Variants in TUBGCP6 observed in about 807,000 individuals in gnomAD.
The protein encoded by TUBGCP6 is tubulin gamma complex component 6, also known as gamma-tubulin complex component 6.
In TUBGCP6, 161 loss-of-function variants were observed where a neutral mutation model predicts 175.8. That is an observed-to-expected ratio of 0.92 (90% CI 0.81 to 1.04). TUBGCP6 has a LOEUF of 1.04. TUBGCP6 is among the 50% of genes least tolerant of loss of function. The probability of loss-of-function intolerance (pLI) is 0.00; values close to 1 mark genes in which losing one functional copy is unlikely to be tolerated. For synonymous variants in TUBGCP6, 1,173 were observed against 1,030.5 expected, an observed-to-expected ratio of 1.14 and a Z score of -2.65; for missense variants, 2,572 against 2,433.0, an observed-to-expected ratio of 1.06 and a Z score of -1.20.
intron 1 of TUBGCP6, among the ~76,000 whole-genome samples, chr22:50,240,828 A>C (rs2064829894): frequency 6.6e-6 from 1 of 152,166 alleles, no homozygotes; most frequent in Non-Finnish European, 1.5e-5. Context: ...GTCTCTACTA[A>C]AAATATAAAA....
intron 3 of TUBGCP6, among the ~76,000 whole-genome samples, chr22:50,231,571 T>A (rs2064692647): frequency 6.6e-6 from 1 of 151,972 alleles, no homozygotes; most frequent in South Asian, 2.1e-4. Flanking sequence ...AGAAAAAAGA[T>A]GACTAGGGCC....
In TUBGCP6 at chr22:50,244,427, C is replaced by T; in HGVS notation, c.33G>A (p.Leu11=). 1 of 1,612,820 alleles carries T rather than the reference C, an allele frequency of 6.2e-7. No individual in the cohort carries two copies. Among genetic ancestry groups the T allele is most frequent in the Non-Finnish European group, 8.5e-7 (1 of 1,179,876 alleles). The change falls in exon 1 of 25, where the codon CTG becomes CTA. Residue 11 remains leucine, a synonymous_variant. Transcript: ENST00000248846. ...TGGCAGCCGGCAGGAGGGCCTCACA[C>T]AGGTCGTCGAACAGCTGCGTGATGC... The part of the protein sequence containing the change: MASITQLFDD[L]CEALLPAAKT...
At chr22:50,218,985 AG>A in intron 20 of TUBGCP6, 82 bp downstream of exon 20, 2 of 1,592,992 alleles carry the variant, frequency 1.3e-6, no homozygotes, top group Non-Finnish European at 1.7e-6. Flanking sequence ...CCAGAGCAGC[AG>A]GGGGCTGTGG....
At chr22:50,219,576 G>A in intron 18 of TUBGCP6, 68 bp downstream of exon 18, 1 of 1,596,114 alleles carries the variant, frequency 6.3e-7, no homozygotes, top group Admixed American at 1.7e-5. Context: ...CCAACCCACA[G>A]GAGGTGGAGC....
Position 50,244,004 on chromosome 22 carries a change from G to A in TUBGCP6, c.456C>T (p.Asp152=), listed in dbSNP as rs748742139. The change falls in exon 1 of 25, where the codon GAC becomes GAT. Residue 152 remains aspartate (D), a synonymous_variant. Transcript: ENST00000248846. ...GAACGTCCATCTCAAACACACTCAG[G>A]TCGTCGCAATCATAGCCGCTGTACG... ...NVPYSGYDCD[D]LSVFEMDVQS... 6.2e-7 allele frequency: 1 copy of A among 1,614,150 alleles called. No homozygotes were observed. Among genetic ancestry groups the A allele is most frequent in the Non-Finnish European group, 8.5e-7 (1 of 1,180,040 alleles).
In TUBGCP6 at chr22:50,221,175, T is replaced by C. The variant is rs1476415461; in HGVS notation, c.3184A>G (p.Arg1062Gly). ...ACATCTGACACATTCTCCCCGACCC[T>C]GATGCTGGCGTCAGACACGTGCCCG... ...THGHVSDASIRVGENVSDVAP... is the reference protein window; with the variant it reads ...THGHVSDASIGVGENVSDVAP... The change falls in exon 16 of 25, where the codon AGG (arginine) becomes GGG (glycine). Residue 1062 changes from arginine (R) to glycine (G), a missense_variant. Physicochemically the swap from Arg to Gly is moderately radical, Grantham distance 125. Coordinates refer to ENST00000248846, the MANE Select transcript of TUBGCP6 (RefSeq NM_020461.4). The C allele has an allele frequency of 6.2e-7, 1 of 1,608,076 alleles. No individual in the cohort carries two copies. Among genetic ancestry groups the C allele is most frequent in the East Asian group, 2.2e-5 (1 of 44,812 alleles).
In TUBGCP6 at chr22:50,219,766, G is replaced by A. The variant is rs1359684920; in HGVS notation, c.4193C>T (p.Pro1398Leu). The change falls in exon 18 of 25, where the codon CCA becomes CTA. Residue 1398 changes from proline to leucine, a missense_variant. By Grantham distance (98) the Pro-to-Leu change is moderately conservative. Coordinates refer to ENST00000248846, the MANE Select transcript of TUBGCP6 (RefSeq NM_020461.4). Reference sequence around the variant, plus strand: ...TGCCTCCGCCTCCTCACCACGGCCTGGGCTGCTCTGGGCAGCTGTGTCTTC... The same window carrying A: ...TGCCTCCGCCTCCTCACCACGGCCTAGGCTGCTCTGGGCAGCTGTGTCTTC... ...SQEDTAAQSS[P>L]GRGEEAEASA... 1.2e-6 allele frequency: 2 copies of A among 1,613,546 alleles called. No homozygotes were observed. Among genetic ancestry groups the A allele is most frequent in the African/African-American group, 1.3e-5 (1 of 74,950 alleles).
Position 50,219,438 on chromosome 22 carries a change from T to C in TUBGCP6, c.4334A>G (p.His1445Arg). 1 of 1,574,142 alleles carries C rather than the reference T, an allele frequency of 6.4e-7. No individual in the cohort carries two copies. The highest frequency in any genetic ancestry group is 8.6e-7 in the Non-Finnish European group (1 of 1,160,976). ...YESMSEPPIA[H>R]LLRPVLPRAF... is the part of the protein sequence containing the mutation. Reference sequence around the variant, plus strand: ...CCGGGGAAGCACGGGGCGCAAAAGATGAGCAATGGGCGGCTCGGCTGCGGG... The same window carrying C: ...CCGGGGAAGCACGGGGCGCAAAAGACGAGCAATGGGCGGCTCGGCTGCGGG... The change falls in exon 19 of 25, where the codon CAT (histidine) becomes CGT (arginine). Residue 1445 changes from histidine to arginine, a missense_variant. Coordinates refer to ENST00000248846, the MANE Select transcript of TUBGCP6 (RefSeq NM_020461.4).
At chr22:50,224,473 C>T in intron 11 of TUBGCP6, 38 bp downstream of exon 11, 1 of 1,614,164 alleles carries the variant, frequency 6.2e-7, no homozygotes, top group African/African-American at 1.3e-5. Context: ...CAGCAAGGCC[C>T]CCCGGAACTG....
At chr22:50,226,907 C>T (rs1427284634) in intron 6 of TUBGCP6, 65 bp from the exon 7 acceptor site, 11 of 1,557,038 alleles carry the variant, frequency 7.1e-6, no homozygotes, top group Non-Finnish European at 9.6e-6. Context: ...AGGCGCAGCC[C>T]TGCCGGCAGC....
intron 2 of TUBGCP6, among the ~76,000 whole-genome samples, chr22:50,235,129 C>T (rs920284109): frequency 3.6e-4 from 55 of 151,512 alleles, no homozygotes; most frequent in African/African-American, 1.3e-3. Context: ...CATCCACACC[C>T]GTGTCCATGG....
intron 18 of TUBGCP6, 49 bp from the exon 19 acceptor site, chr22:50,219,505 T>C: frequency 2.5e-6 from 4 of 1,591,886 alleles, no homozygotes; most frequent in Non-Finnish European, 3.4e-6. Flanking sequence ...AGCCCAGGGC[T>C]CCGCCCCCAT....
Position 50,221,640 on chromosome 22 carries a change from C to T in TUBGCP6, c.2719G>A (p.Glu907Lys), listed in dbSNP as rs765491428. 8 of 1,528,908 alleles carry T rather than the reference C, an allele frequency of 5.2e-6. No homozygotes were observed. The highest frequency in any genetic ancestry group is 6.2e-6 in the Non-Finnish European group (7 of 1,137,990). 94.7% of individuals were successfully genotyped at this position (1,528,908 alleles called of 1,614,324 possible). Reference protein sequence around the residue: ...GDFLPVGPGAEPSVQTGMVPL... With the variant: ...GDFLPVGPGAKPSVQTGMVPL... ...ACCATGCCAGTCTGCACGGACGGCT[C>T]AGCCCCTGGGCCCACAGGTAGGAAG... Residue 907 changes from glutamate (E) to lysine (K), a missense_variant, in exon 16 of 25, where the codon GAG becomes AAG. Coordinates refer to ENST00000248846, the MANE Select transcript of TUBGCP6 (RefSeq NM_020461.4).
Position 50,219,741 on chromosome 22 carries a change from T to TGCCTCC in TUBGCP6, c.4212_4217dup (p.Glu1405_Ala1406dup), listed in dbSNP as rs766862916. 2.5e-6 allele frequency: 4 copies of TGCCTCC among 1,613,798 alleles called. No individual in the cohort carries two copies. The highest frequency in any genetic ancestry group is 4.5e-5 in the East Asian group (2 of 44,880). The stretch of plus-strand genomic sequence containing the variant: ...CCCCACCCTGAGCCTCCGCCGCCGA[T>TGCCTCC]GCCTCCGCCTCCTCACCACGGCCTG... On this transcript the variant is annotated inframe_insertion, in exon 18 of 25. Transcript: ENST00000248846.
chr22:50,236,565 C>T (rs1399978153), intron 2 of TUBGCP6, among the ~76,000 whole-genome samples: 1 of 152,140 alleles, frequency 6.6e-6, no homozygotes, highest in Non-Finnish European at 1.5e-5. Context: ...TGGCACTACA[C>T]ACACTCACAC....
At chr22:50,237,437 C>G (rs1179613692) in intron 2 of TUBGCP6, among the ~76,000 whole-genome samples, 2 of 152,266 alleles carry the variant, frequency 1.3e-5, no homozygotes, top group African/African-American at 4.8e-5. Context: ...GCTGACCCGA[C>G]TGCAGTGTCA....
At chr22:50,221,987 G>A in intron 15 of TUBGCP6, 41 bp downstream of exon 15, 15 of 1,611,876 alleles carry the variant, frequency 9.3e-6, no homozygotes, top group Non-Finnish European at 1.3e-5. Context: ...GAGGGCTATG[G>A]GAAAACCATA....
rs556653451 is a variant in TUBGCP6, at chr22:50,217,696, C to T, written c.*40G>A. ...AGGAGAGAGAGCTGCAGACAGGGTC[C>T]GAGAACACCTTTATTGTGCACGTCC... On this transcript the variant is annotated 3_prime_UTR_variant, in exon 25 of 25. Transcript: ENST00000248846. 8.2e-6 allele frequency: 13 copies of T among 1,586,760 alleles called. No homozygotes were observed. The highest frequency in any genetic ancestry group is 3.4e-5 in the South Asian group (3 of 88,780).
rs79022493 is a variant in TUBGCP6 at position 50,219,455 on chromosome 22, G to T, written c.4317C>A (p.Ser1439=). 1,111 of 1,580,528 alleles carry T rather than the reference G, an allele frequency of 7.0e-4. 15 individuals are homozygous for T. The East Asian group carries it at 0.023, about 33-fold the overall frequency. Reference sequence around the variant, plus strand: ...GCAAAAGATGAGCAATGGGCGGCTCGGCTGCGGGAGATGGAGCACGCACGT... The same window carrying T: ...GCAAAAGATGAGCAATGGGCGGCTCTGCTGCGGGAGATGGAGCACGCACGT... ...ERYPDSYESM[S]EPPIAHLLRP... The change falls in exon 19 of 25, where the codon TCC becomes TCA. Residue 1439 remains serine, a splice_region_variant and synonymous_variant. Coordinates refer to ENST00000248846, the MANE Select transcript of TUBGCP6 (RefSeq NM_020461.4).
Sources: allele counts gnomAD v4.1 joint callset (sites outside exome capture counted in the v4.1 genomes callset), GRCh38; gene constraint gnomAD v4.1.1; transcripts MANE v1.5; gene names NCBI Gene and HGNC (gene_info 2026-07-23, HGNC 2026-07-21).